Variants in MAN1A1 observed in about 807,000 individuals in gnomAD.
The protein encoded by MAN1A1 is mannosyl-oligosaccharide 1,2-alpha-mannosidase IA.
Under a neutral mutation model 70.8 loss-of-function variants are expected in MAN1A1, and 29 were observed. That is an observed-to-expected ratio of 0.41 (90% CI 0.31 to 0.56). The LOEUF (loss-of-function observed/expected upper bound fraction) is 0.56, where lower values mean the gene tolerates loss of function less well. Among genes scored for constraint, MAN1A1 ranks in the 20% least tolerant of loss-of-function variants. The pLI, the probability that MAN1A1 is intolerant of heterozygous loss-of-function variation, is 0.29. For missense variants in MAN1A1, 747 were observed against 841.3 expected (o/e 0.89, Z 1.39); for synonymous variants, 349 against 330.1 (o/e 1.06, Z -0.62).
chr6:119,320,276 T>A (rs1772971326), intron 2 of MAN1A1, among the ~76,000 whole-genome samples: 1 of 152,174 alleles, frequency 6.6e-6, no homozygotes, highest in South Asian at 2.1e-4. Context: ...CCGGCCAGTA[T>A]CTTCTCTTAA....
At chr6:119,308,462 C>A (rs2114453135) in intron 2 of MAN1A1, among the ~76,000 whole-genome samples, 1 of 152,170 alleles carries the variant, frequency 6.6e-6, no homozygotes, top group South Asian at 2.1e-4. Context: ...CCTACAACGC[C>A]ACTGATGAGT....
intron 5 of MAN1A1, among the ~76,000 whole-genome samples, chr6:119,277,565 T>C (rs1310845553): frequency 3.9e-5 from 6 of 152,134 alleles, no homozygotes; most frequent in Non-Finnish European, 8.8e-5. Flanking sequence ...CTCACATCTA[T>C]AGTCCTAGCA....
chr6:119,282,844 G>A (rs887873536), intron 5 of MAN1A1, among the ~76,000 whole-genome samples: 2 of 152,082 alleles, frequency 1.3e-5, no homozygotes, highest in Non-Finnish European at 2.9e-5. Context: ...GCATAAATGT[G>A]TCATTAAGTT....
chr6:119,213,090 G>A (rs771126556), intron 6 of MAN1A1, among the ~76,000 whole-genome samples: 47 of 152,154 alleles, frequency 3.1e-4, no homozygotes, highest in Non-Finnish European at 5.4e-4. Flanking sequence ...GGTAAGTTTA[G>A]ATATTTCTCT....
intron 5 of MAN1A1, among the ~76,000 whole-genome samples, chr6:119,285,315 AGAGT>A (rs2114406831): frequency 6.6e-6 from 1 of 152,156 alleles, no homozygotes; most frequent in South Asian, 2.1e-4. Flanking sequence ...TGTAACTAAT[AGAGT>A]GAGAACTCAC....
intron 6 of MAN1A1, among the ~76,000 whole-genome samples, chr6:119,216,068 C>T (rs570098377): frequency 6.6e-6 from 1 of 152,144 alleles, no homozygotes; most frequent in East Asian, 1.9e-4. Flanking sequence ...GCTGGTGTAG[C>T]TGACAGTCAG....
intron 2 of MAN1A1, among the ~76,000 whole-genome samples, chr6:119,333,503 T>C (rs1773375921): frequency 6.6e-6 from 1 of 152,104 alleles, no homozygotes. Flanking sequence ...GTACCGCCTC[T>C]CTCCAGCAGA....
chr6:119,348,741 C>T lies in MAN1A1; in HGVS notation c.325G>A (p.Ala109Thr). 6.4e-7 allele frequency: 1 copy of T among 1,567,240 alleles called. No individual in the cohort carries two copies. The highest frequency in any genetic ancestry group is 8.6e-7 in the Non-Finnish European group (1 of 1,159,608). Reference sequence around the variant, plus strand: ...AGGGCGGCCTCCGGGTCCCCGGGTGCCCCCTCCTCGCGGCGCCGGGCTCGC... The same window carrying T: ...AGGGCGGCCTCCGGGTCCCCGGGTGTCCCCTCCTCGCGGCGCCGGGCTCGC... Reference protein sequence around the residue: ...EGRARRREEGAPGDPEAALED... With the variant: ...EGRARRREEGTPGDPEAALED... The change falls in exon 2 of 13, where the codon GCA becomes ACA. Residue 109 changes from alanine to threonine, a missense_variant. This residue lies in a region of MAN1A1 where 328 missense variants were observed against 293.1 expected (regional missense o/e 1.12). Coordinates refer to ENST00000368468, the MANE Select transcript of MAN1A1 (RefSeq NM_005907.4).
intron 10 of MAN1A1, among the ~76,000 whole-genome samples, chr6:119,189,138 C>T (rs1773371136): frequency 6.6e-6 from 1 of 151,952 alleles, no homozygotes. Context: ...TTTCATTTAA[C>T]CCCCATTTAC....
chr6:119,190,518 C>T (rs1244530002), intron 9 of MAN1A1, among the ~76,000 whole-genome samples: 1 of 152,152 alleles, frequency 6.6e-6, no homozygotes, highest in Non-Finnish European at 1.5e-5. Flanking sequence ...TACGACTCTG[C>T]CACATTTTGT....
chr6:119,238,200 A>G (rs921866280), intron 6 of MAN1A1, among the ~76,000 whole-genome samples: 2 of 152,248 alleles, frequency 1.3e-5, no homozygotes, highest in African/African-American at 4.8e-5. Flanking sequence ...AAGATATTCT[A>G]TAGTTCTCAG....
intron 11 of MAN1A1, among the ~76,000 whole-genome samples, chr6:119,182,046 C>A (rs1773166032): frequency 6.6e-6 from 1 of 152,134 alleles, no homozygotes; most frequent in Admixed American, 6.5e-5. Flanking sequence ...AGACTGATTA[C>A]CTCTTGAATT....
intron 6 of MAN1A1, among the ~76,000 whole-genome samples, chr6:119,215,783 A>T (rs1156928001): frequency 2.0e-5 from 3 of 152,344 alleles, no homozygotes; most frequent in South Asian, 2.1e-4. Context: ...AGAATTTAAG[A>T]TTACTTATTT....
At chr6:119,240,906 G>A (rs1467017084) in intron 6 of MAN1A1, among the ~76,000 whole-genome samples, 1 of 152,166 alleles carries the variant, frequency 6.6e-6, no homozygotes, top group Non-Finnish European at 1.5e-5. Context: ...AGTGACCTCT[G>A]TTCCCTCCTG....
intron 9 of MAN1A1, 40 bp downstream of exon 9, chr6:119,193,737 T>G: frequency 7.2e-7 from 1 of 1,385,492 alleles, no homozygotes; most frequent in Non-Finnish European, 1.0e-6. Flanking sequence ...AAATTATAAG[T>G]TAGGGCTGAG....
At chr6:119,315,983 C>A (rs543940601) in intron 2 of MAN1A1, among the ~76,000 whole-genome samples, 1 of 152,176 alleles carries the variant, frequency 6.6e-6, no homozygotes, top group South Asian at 2.1e-4. Flanking sequence ...ACTTTGAATT[C>A]ATTAGATTAG....
intron 11 of MAN1A1, among the ~76,000 whole-genome samples, chr6:119,185,052 G>T (rs1773250922): frequency 2.6e-5 from 4 of 152,158 alleles, no homozygotes; most frequent in South Asian, 2.1e-4. Context: ...AGCATGACGG[G>T]CTAATTTTTA....
intron 6 of MAN1A1, among the ~76,000 whole-genome samples, chr6:119,227,345 G>GT (rs1212328212): frequency 3.3e-5 from 5 of 152,214 alleles, no homozygotes; most frequent in African/African-American, 1.2e-4. Flanking sequence ...GATTGTGGCA[G>GT]TGTCTGCACA....
intron 11 of MAN1A1, among the ~76,000 whole-genome samples, chr6:119,185,558 T>C (rs1393567890): frequency 6.6e-6 from 1 of 151,428 alleles, no homozygotes; most frequent in African/African-American, 2.4e-5. Context: ...ACACTGACCA[T>C]AATTTCAATA....
Sources: gnomAD v4.1 joint callset for allele counts (sites outside exome capture counted in the v4.1 genomes callset) on GRCh38, gnomAD v4.1.1 for gene constraint, gnomAD v4.1.1 regional missense constraint, MANE v1.5 for transcripts, NCBI Gene and HGNC (gene_info 2026-07-23, HGNC 2026-07-21) for gene names.